Variants in LRATD2 observed in about 807,000 individuals in gnomAD.
The protein encoded by LRATD2 is LRAT domain containing 2.
LRATD2 carries 10 observed loss-of-function variants against 12.0 expected under a neutral mutation model. The ratio of observed to expected loss-of-function variants is 0.83; its 90% CI spans 0.51 to 1.41. The LOEUF (loss-of-function observed/expected upper bound fraction) is 1.41, where lower values mean the gene tolerates loss of function less well. Among genes scored for constraint, LRATD2 ranks in the 40% most tolerant of loss-of-function variants. LRATD2 has a pLI of 0.00. For synonymous variants in LRATD2, 220 were observed against 205.8 expected (o/e 1.07, Z -0.59); for missense variants, 455 against 446.1 (o/e 1.02, Z -0.18).
rs1817386584 is a variant in LRATD2 at position 126,556,191 on chromosome 8, C to G, written c.*266G>C. On this transcript the variant is annotated 3_prime_UTR_variant, in exon 2 of 2. Transcript: ENST00000304916. This position sits in a 1 kb window ranked among gnomAD's most constrained non-coding sequence, Gnocchi z 5.6. ...AAGTGCCAGGCAAGTCCACAGTTTG[C>G]TCCACCGCGGAGAGGAAGACAGACA... 3 of 481,830 alleles carry G rather than the reference C, an allele frequency of 6.2e-6. No individual in the cohort carries two copies. The South Asian group carries it at 1.1e-4, about 18-fold the overall frequency. 29.8% of individuals were successfully genotyped at this position (481,830 alleles called of 1,614,324 possible). A position where few individuals can be genotyped will look rare whatever the true frequency, so the allele number is the denominator to read the frequency against.
chr8:126,557,183 G>A lies in LRATD2; in HGVS notation c.207C>T (p.Pro69=), dbSNP rs769419044. 21 of 1,604,794 alleles carry A rather than the reference G, an allele frequency of 1.3e-5. No homozygotes were observed. Among genetic ancestry groups the A allele is most frequent in the Non-Finnish European group, 1.4e-5 (17 of 1,176,332 alleles). ...GCCGCGGATCGTAGGGCTGCGGCTG[G>A]GGCGGCGGCGGCCCGTCCCCACCGT... ...LPDGGDGPPP[P]QPQPYDPRLH... Residue 69 remains proline (P), a synonymous_variant, in exon 2 of 2, where the codon CCC becomes CCT. Transcript: ENST00000304916. The surrounding 1 kb of genome is among the most constrained non-coding windows in gnomAD (Gnocchi z 5.3).
Position 126,558,368 on chromosome 8 carries a change from T to C in LRATD2, c.-431A>G, listed in dbSNP as rs999233158. 1 of 151,878 alleles carries C rather than the reference T, an allele frequency of 6.6e-6. No homozygotes were observed. Among genetic ancestry groups the C allele is most frequent in the Non-Finnish European group, 1.5e-5 (1 of 68,008 alleles). 9.4% of individuals were successfully genotyped at this position (151,878 alleles called of 1,614,324 possible). On this transcript the variant is annotated 5_prime_UTR_variant, in exon 1 of 2. Transcript: ENST00000304916. Reference sequence around the variant, plus strand: ...AGCCTCGCAGCCTGGCGGCAACAGCTCCCGCTTGGGCCGGGCGAGCAACAA... The same window carrying C: ...AGCCTCGCAGCCTGGCGGCAACAGCCCCCGCTTGGGCCGGGCGAGCAACAA...
In LRATD2 at chr8:126,556,830, G is replaced by A. The variant is rs1158744374; in HGVS notation, c.560C>T (p.Ala187Val). 5 of 1,603,704 alleles carry A rather than the reference G, an allele frequency of 3.1e-6. No individual in the cohort carries two copies. The highest frequency in any genetic ancestry group is 4.2e-6 in the Non-Finnish European group (5 of 1,178,540). ...SSSAVVRNAL[A>V]HVGAKERELS... ...CTCGCGCTCCTTGGCACCCACGTGC[G>A]CCAGCGCGTTGCGCACCACGGCGCT... The change falls in exon 2 of 2, where the codon GCG becomes GTG. Residue 187 changes from alanine (A) to valine (V), a missense_variant. Ala to Val is a moderately conservative substitution (Grantham distance 64). Coordinates refer to ENST00000304916, the MANE Select transcript of LRATD2 (RefSeq NM_174911.5). This position sits in a 1 kb window ranked among gnomAD's most constrained non-coding sequence, Gnocchi z 5.6.
At position 126,556,109 on chromosome 8, in the gene LRATD2, C is replaced by A. The variant is rs143813213; in HGVS notation, c.*348G>T. ...GGCAGGAATGGGTACTCCGAACTTT[C>A]CCCCAACCCCACGTGCTTAAGAATG... is the stretch of plus-strand genomic sequence containing the variant. On this transcript the variant is annotated 3_prime_UTR_variant, in exon 2 of 2. Coordinates refer to ENST00000304916, the MANE Select transcript of LRATD2 (RefSeq NM_174911.5). The surrounding 1 kb of genome is among the most constrained non-coding windows in gnomAD (Gnocchi z 5.6). 5.4e-5 allele frequency: 16 copies of A among 296,020 alleles called. No individual in the cohort carries two copies. Among genetic ancestry groups the A allele is most frequent in the Middle Eastern group, 9.6e-4 (1 of 1,040 alleles). The allele number at this position is 296,020 out of a possible 1,614,324, so 18.3% of individuals were successfully genotyped here. A position where few individuals can be genotyped will look rare whatever the true frequency, so the allele number is the denominator to read the frequency against.
rs1190026300 is a variant in LRATD2, at chr8:126,554,776, C to G, written c.*1681G>C. On this transcript the variant is annotated 3_prime_UTR_variant, in exon 2 of 2. Coordinates refer to ENST00000304916, the MANE Select transcript of LRATD2 (RefSeq NM_174911.5). Reference sequence around the variant, plus strand: ...TGTACCACTTAACTATGATTCTATTCCAACTGTTCAGAATCATATCACAAA... The same window carrying G: ...TGTACCACTTAACTATGATTCTATTGCAACTGTTCAGAATCATATCACAAA... 6.6e-6 allele frequency: 1 copy of G among 152,000 alleles called. No individual in the cohort carries two copies. Among genetic ancestry groups the G allele is most frequent in the Non-Finnish European group, 1.5e-5 (1 of 68,034 alleles). The allele number at this position is 152,000 out of a possible 1,614,324, so 9.4% of individuals were successfully genotyped here.
rs1296724145 is a variant in LRATD2, at chr8:126,556,924, T to C, written c.466A>G (p.Thr156Ala). 1 of 1,609,920 alleles carries C rather than the reference T, an allele frequency of 6.2e-7. No homozygotes were observed. The highest frequency in any genetic ancestry group is 1.3e-5 in the African/African-American group (1 of 74,902). The change falls in exon 2 of 2, where the codon ACT becomes GCT. Residue 156 changes from threonine to alanine, a missense_variant. Transcript: ENST00000304916. This position sits in a 1 kb window ranked among gnomAD's most constrained non-coding sequence, Gnocchi z 5.6. ...HRLEVINSFL[T>A]DASQGRRGRV... ...CCGCGACGGCCCTGGCTGGCGTCAG[T>C]CAGGAAGCTGTTAATCACCTCCAGC...
Position 126,553,439 on chromosome 8 carries a change from C to G in LRATD2, c.*3018G>C, listed in dbSNP as rs1335702814. ...CAGAACTTCTGAAGAACATTAGAAT[C>G]GATATTTCTTTCCTTCAAAGAGCAT... On this transcript the variant is annotated 3_prime_UTR_variant, in exon 2 of 2. Transcript: ENST00000304916. 1 of 152,592 alleles carries G rather than the reference C, an allele frequency of 6.6e-6. No individual in the cohort carries two copies. The allele number at this position is 152,592 out of a possible 1,614,324, so 9.5% of individuals were successfully genotyped here. A position where few individuals can be genotyped will look rare whatever the true frequency, so the allele number is the denominator to read the frequency against.
chr8:126,555,179 A>C lies in LRATD2; in HGVS notation c.*1278T>G, dbSNP rs184063989. ...AAGGGCTCTGAAGGAGGTGTTCTCC[A>C]AGCAACAAGGAGACTGCTTCAGTAC... On this transcript the variant is annotated 3_prime_UTR_variant, in exon 2 of 2. Transcript: ENST00000304916. The C allele has an allele frequency of 5.3e-5, 8 of 152,350 alleles. No individual in the cohort carries two copies. In the East Asian group the frequency reaches 1.5e-3, roughly 29 times the overall value. 9.4% of individuals were successfully genotyped at this position (152,350 alleles called of 1,614,324 possible). A position where few individuals can be genotyped will look rare whatever the true frequency, so the allele number is the denominator to read the frequency against.
In LRATD2 at chr8:126,556,487, C is replaced by T. The variant is rs746320331; in HGVS notation, c.903G>A (p.Glu301=). 6.3e-7 allele frequency: 1 copy of T among 1,586,762 alleles called. No individual in the cohort carries two copies. The highest frequency in any genetic ancestry group is 8.6e-7 in the Non-Finnish European group (1 of 1,169,104). The part of the protein sequence containing the change: ...PPGRPPAPSS[E]EEDGEAVAH ...GTGCCACTGCCTCTCCGTCCTCCTCCTCGGAGCTGGGCGCAGGGGGGCGCC... is the reference window on the plus strand; with the variant it reads ...GTGCCACTGCCTCTCCGTCCTCCTCTTCGGAGCTGGGCGCAGGGGGGCGCC... Residue 301 remains glutamate (E), a synonymous_variant, in exon 2 of 2, where the codon GAG becomes GAA. Coordinates refer to ENST00000304916, the MANE Select transcript of LRATD2 (RefSeq NM_174911.5). The surrounding 1 kb of genome is among the most constrained non-coding windows in gnomAD (Gnocchi z 5.6).
chr8:126,556,434 C>T lies in LRATD2; in HGVS notation c.*23G>A, dbSNP rs759408368. On this transcript the variant is annotated 3_prime_UTR_variant, in exon 2 of 2. Transcript: ENST00000304916. This position sits in a 1 kb window ranked among gnomAD's most constrained non-coding sequence, Gnocchi z 5.6. The stretch of plus-strand genomic sequence containing the variant: ...TGCTACTGCAAACAGTTCCCCTTCG[C>T]AGCTCTGCGCTCAGCTCGCCCATCA... 3 of 1,532,842 alleles carry T rather than the reference C, an allele frequency of 2.0e-6. No individual in the cohort carries two copies. The highest frequency in any genetic ancestry group is 1.7e-6 in the Non-Finnish European group (2 of 1,146,050). The allele number at this position is 1,532,842 out of a possible 1,614,324, so 95.0% of individuals were successfully genotyped here.
chr8:126,555,956 G>C lies in LRATD2; in HGVS notation c.*501C>G, dbSNP rs1563638886. On this transcript the variant is annotated 3_prime_UTR_variant, in exon 2 of 2. Coordinates refer to ENST00000304916, the MANE Select transcript of LRATD2 (RefSeq NM_174911.5). ...TAAAATAAATCACCCCAGCCTCCTGGATCCCATACACAGCTCAGCTCCGCC... is the reference window on the plus strand; with the variant it reads ...TAAAATAAATCACCCCAGCCTCCTGCATCCCATACACAGCTCAGCTCCGCC... 1.3e-5 allele frequency: 2 copies of C among 156,424 alleles called. No individual in the cohort carries two copies. Among genetic ancestry groups the C allele is most frequent in the Non-Finnish European group, 2.8e-5 (2 of 70,722 alleles). The allele number at this position is 156,424 out of a possible 1,614,324, so 9.7% of individuals were successfully genotyped here. A position where few individuals can be genotyped will look rare whatever the true frequency, so the allele number is the denominator to read the frequency against.
Position 126,557,470 on chromosome 8 carries a change from C to T in LRATD2, c.-81G>A. 6.8e-7 allele frequency: 1 copy of T among 1,473,890 alleles called. No individual in the cohort carries two copies. The allele number at this position is 1,473,890 out of a possible 1,614,324, so 91.3% of individuals were successfully genotyped here. A position where few individuals can be genotyped will look rare whatever the true frequency, so the allele number is the denominator to read the frequency against. On this transcript the variant is annotated 5_prime_UTR_variant, in exon 2 of 2. Coordinates refer to ENST00000304916, the MANE Select transcript of LRATD2 (RefSeq NM_174911.5). This position sits in a 1 kb window ranked among gnomAD's most constrained non-coding sequence, Gnocchi z 5.3. ...AGGGTCATTTGCACAGGTCCCCGGA[C>T]AGGGGCTGAGGCTACCTGTTGGGAG...
chr8:126,557,991 C>G lies in LRATD2; in HGVS notation c.-97+43G>C. 6.5e-6 allele frequency: 1 copy of G among 152,830 alleles called. No individual in the cohort carries two copies. Among genetic ancestry groups the G allele is most frequent in the East Asian group, 1.9e-4 (1 of 5,196 alleles). The allele number at this position is 152,830 out of a possible 1,614,324, so 9.5% of individuals were successfully genotyped here. ...CCTCCTCCCGGCTCGCCCGCCCTTC[C>G]CCCGCGCCCGCCCTCAGGCTCGGGT... On this transcript the variant is annotated intron_variant, in intron 1 of 1. Transcript: ENST00000304916. The surrounding 1 kb of genome is among the most constrained non-coding windows in gnomAD (Gnocchi z 5.3).
Position 126,556,958 on chromosome 8 carries a change from G to A in LRATD2, c.432C>T (p.His144=), listed in dbSNP as rs1371274868. The change falls in exon 2 of 2, where the codon CAC becomes CAT. Residue 144 remains histidine (H), a synonymous_variant. Coordinates refer to ENST00000304916, the MANE Select transcript of LRATD2 (RefSeq NM_174911.5). This position sits in a 1 kb window ranked among gnomAD's most constrained non-coding sequence, Gnocchi z 5.6. ...AVYVGNFQVV[H]LHRLEVINSF... is the part of the protein sequence containing the mutation. ...TGTTAATCACCTCCAGCCGGTGCAGGTGCACCACCTGGAAGTTACCCACAT... is the reference window on the plus strand; with the variant it reads ...TGTTAATCACCTCCAGCCGGTGCAGATGCACCACCTGGAAGTTACCCACAT... 2 of 1,609,912 alleles carry A rather than the reference G, an allele frequency of 1.2e-6. No homozygotes were observed. Among genetic ancestry groups the A allele is most frequent in the Non-Finnish European group, 1.7e-6 (2 of 1,180,014 alleles).
rs1421118381 is a variant in LRATD2, at chr8:126,556,294, C to T, written c.*163G>A. On this transcript the variant is annotated 3_prime_UTR_variant, in exon 2 of 2. Coordinates refer to ENST00000304916, the MANE Select transcript of LRATD2 (RefSeq NM_174911.5). This position sits in a 1 kb window ranked among gnomAD's most constrained non-coding sequence, Gnocchi z 5.6. ...TCCCTCTGTCCCCTTCCTCCTCCCC[C>T]GTCCACAGCCGGCTGCGCATTTCAC... 2 of 809,454 alleles carry T rather than the reference C, an allele frequency of 2.5e-6. No homozygotes were observed. The highest frequency in any genetic ancestry group is 3.7e-6 in the Non-Finnish European group (2 of 547,886). 50.1% of individuals were successfully genotyped at this position (809,454 alleles called of 1,614,324 possible). A position where few individuals can be genotyped will look rare whatever the true frequency, so the allele number is the denominator to read the frequency against.
Position 126,556,600 on chromosome 8 carries a change from C to T in LRATD2, c.790G>A (p.Ala264Thr). The T allele has an allele frequency of 6.2e-7, 1 of 1,610,132 alleles. No individual in the cohort carries two copies. The highest frequency in any genetic ancestry group is 2.2e-5 in the East Asian group (1 of 44,744). Reference protein sequence around the residue: ...KRRNDQIGRAAVLQELATHLH... With the variant: ...KRRNDQIGRATVLQELATHLH... ...TGCGTGGCGAGCTCCTGCAGCACGG[C>T]CGCGCGCCCGATCTGGTCGTTGCGT... Residue 264 changes from alanine to threonine, a missense_variant, in exon 2 of 2, where the codon GCC becomes ACC. Physicochemically the swap from Ala to Thr is moderately conservative, Grantham distance 58 (BLOSUM62 0). Transcript: ENST00000304916. This position sits in a 1 kb window ranked among gnomAD's most constrained non-coding sequence, Gnocchi z 5.6.
In LRATD2 at chr8:126,557,565, G is replaced by A. The variant is rs1563640919; in HGVS notation, c.-96-80C>T. On this transcript the variant is annotated intron_variant, in intron 1 of 1. Coordinates refer to ENST00000304916, the MANE Select transcript of LRATD2 (RefSeq NM_174911.5). The surrounding 1 kb of genome is among the most constrained non-coding windows in gnomAD (Gnocchi z 5.3). The stretch of plus-strand genomic sequence containing the variant: ...GTTTTGTTCCGAAAAAGAATCGGTG[G>A]GGGCTCAGCACCTGGAGCCATTTTA... 1 of 687,052 alleles carries A rather than the reference G, an allele frequency of 1.5e-6. No homozygotes were observed. Among genetic ancestry groups the A allele is most frequent in the Non-Finnish European group, 2.4e-6 (1 of 412,486 alleles). 42.6% of individuals were successfully genotyped at this position (687,052 alleles called of 1,614,324 possible). A position where few individuals can be genotyped will look rare whatever the true frequency, so the allele number is the denominator to read the frequency against.
At position 126,556,830 on chromosome 8, in the gene LRATD2, G is replaced by T; in HGVS notation, c.560C>A (p.Ala187Glu). 1 of 1,603,822 alleles carries T rather than the reference G, an allele frequency of 6.2e-7. No individual in the cohort carries two copies. The highest frequency in any genetic ancestry group is 2.2e-5 in the East Asian group (1 of 44,774). ...CTCGCGCTCCTTGGCACCCACGTGCGCCAGCGCGTTGCGCACCACGGCGCT... is the reference window on the plus strand; with the variant it reads ...CTCGCGCTCCTTGGCACCCACGTGCTCCAGCGCGTTGCGCACCACGGCGCT... Reference protein sequence around the residue: ...SSSAVVRNALAHVGAKERELS... With the variant: ...SSSAVVRNALEHVGAKERELS... The change falls in exon 2 of 2, where the codon GCG becomes GAG. Residue 187 changes from alanine to glutamate, a missense_variant. Ala to Glu is a moderately radical substitution (Grantham distance 107, BLOSUM62 -1). Transcript: ENST00000304916. The surrounding 1 kb of genome is among the most constrained non-coding windows in gnomAD (Gnocchi z 5.6).
chr8:126,556,143 T>C lies in LRATD2; in HGVS notation c.*314A>G, dbSNP rs913358415. On this transcript the variant is annotated 3_prime_UTR_variant, in exon 2 of 2. Coordinates refer to ENST00000304916, the MANE Select transcript of LRATD2 (RefSeq NM_174911.5). The surrounding 1 kb of genome is among the most constrained non-coding windows in gnomAD (Gnocchi z 5.6). ...CCACGTGCTTAAGAATGGCCGATTATAAACCCAGATCTACCAAGGTTTAAG... is the reference window on the plus strand; with the variant it reads ...CCACGTGCTTAAGAATGGCCGATTACAAACCCAGATCTACCAAGGTTTAAG... 1 of 392,578 alleles carries C rather than the reference T, an allele frequency of 2.5e-6. No individual in the cohort carries two copies. The highest frequency in any genetic ancestry group is 4.4e-5 in the East Asian group (1 of 22,786). The allele number at this position is 392,578 out of a possible 1,614,324, so 24.3% of individuals were successfully genotyped here. A position where few individuals can be genotyped will look rare whatever the true frequency, so the allele number is the denominator to read the frequency against.
Sources: gnomAD v4.1 joint callset for allele counts on GRCh38, gnomAD v4.1.1 for gene constraint, Gnocchi (gnomAD v3.1) non-coding constraint, MANE v1.5 for transcripts, NCBI Gene and HGNC (gene_info 2026-07-23, HGNC 2026-07-21) for gene names.